ROBO2: variants seen among roughly 807,000 people sequenced by gnomAD.
ROBO2 encodes the protein roundabout guidance receptor 2, also known as roundabout homolog 2.
ROBO2 carries 53 observed loss-of-function variants against 160.8 expected under a neutral mutation model. That is an observed-to-expected ratio of 0.33 (90% CI 0.26 to 0.41). The LOEUF (loss-of-function observed/expected upper bound fraction) is 0.41. Among genes scored for constraint, ROBO2 ranks in the 10% least tolerant of loss-of-function variants. The pLI, the probability that ROBO2 is intolerant of heterozygous loss-of-function variation, is 1.00. For synonymous variants in ROBO2, 664 were observed against 611.7 expected (o/e 1.09, Z -1.26); for missense variants, 1,577 against 1,722.4 (o/e 0.92, Z 1.49).
At chr3:77,217,522 T>C (rs2085143326) in intron 2 of ROBO2, among the ~76,000 whole-genome samples, 1 of 152,244 alleles carries the variant, frequency 6.6e-6, no homozygotes, top group Non-Finnish European at 1.5e-5. Flanking sequence ...ATTTGGCTGC[T>C]GAAAAAGCAT....
chr3:75,908,460 CTG>C (rs3035973), intron 1 of ROBO2, among the ~76,000 whole-genome samples: 128,803 of 151,850 alleles, frequency 0.85, 54,695 homozygotes, highest in East Asian at 0.93. Flanking sequence ...GATGTAGAGA[CTG>C]TGTCACAGAA....
chr3:76,241,909 T>C (rs1162116489), intron 2 of ROBO2, among the ~76,000 whole-genome samples: 1 of 152,192 alleles, frequency 6.6e-6, no homozygotes, highest in Non-Finnish European at 1.5e-5. Flanking sequence ...TAATTAAATA[T>C]TCACACGTGA....
At chr3:77,293,026 C>T (rs2061505887) in intron 2 of ROBO2, among the ~76,000 whole-genome samples, 2 of 148,884 alleles carry the variant, frequency 1.3e-5, no homozygotes, top group African/African-American at 2.5e-5. Context: ...TCACCAAAGA[C>T]ATAAAGTAAA....
At chr3:77,357,848 T>C (rs1560612989) in intron 2 of ROBO2, among the ~76,000 whole-genome samples, 1 of 152,092 alleles carries the variant, frequency 6.6e-6, no homozygotes, top group Non-Finnish European at 1.5e-5. Context: ...GAAAAAAGGT[T>C]TGGGCTAAAA....
At chr3:75,935,227 T>G (rs76390783) in intron 1 of ROBO2, among the ~76,000 whole-genome samples, 1 of 152,166 alleles carries the variant, frequency 6.6e-6, no homozygotes, top group Non-Finnish European at 1.5e-5. Context: ...TAAAATTAAT[T>G]GAAGAAATCA....
chr3:76,387,154 T>A (rs1410559222), intron 2 of ROBO2, among the ~76,000 whole-genome samples: 1 of 152,038 alleles, frequency 6.6e-6, no homozygotes, highest in African/African-American at 2.4e-5. Flanking sequence ...GGGAGAAAGG[T>A]TTTCTAGTTC....
At chr3:77,406,001 A>G (rs2153516475) in intron 2 of ROBO2, among the ~76,000 whole-genome samples, 1 of 152,344 alleles carries the variant, frequency 6.6e-6, no homozygotes, top group South Asian at 2.1e-4. Flanking sequence ...AGAGCCATAA[A>G]GATACTCCCT....
chr3:77,568,262 A>G, intron 12 of ROBO2, 51 bp from the exon 14 acceptor site: 1 of 1,599,648 alleles, frequency 6.3e-7, no homozygotes, highest in Non-Finnish European at 8.5e-7. Flanking sequence ...ATAAATTGTA[A>G]TTTTAATATG....
At chr3:76,328,384 G>T (rs1028984408) in intron 2 of ROBO2, among the ~76,000 whole-genome samples, 1 of 152,174 alleles carries the variant, frequency 6.6e-6, no homozygotes, top group African/African-American at 2.4e-5. Context: ...TACTAGCAAA[G>T]GTTTTTCAAG....
At position 76,138,644 on chromosome 3, in the gene ROBO2, G is replaced by T. The variant is rs6764428; in HGVS notation, c.109+201042G>T. Among the ~76,000 whole-genome samples the T allele has an allele frequency of 8.6e-3, 1,305 of 152,096 alleles. 21 individuals are homozygous for T. The highest frequency in any genetic ancestry group is 0.03 in the African/African-American group (1,248 of 41,534). ...GAGAATAATTAAGACATGGGACAAT[G>T]AGACATTTTATGATTTTCAGGTATG... is the stretch of plus-strand genomic sequence containing the variant. On this transcript the variant is annotated intron_variant, in intron 2 of 26. Coordinates refer to the ROBO2 transcript ENST00000487694.
chr3:77,469,697 G>A (rs1223439060), intron 2 of ROBO2, among the ~76,000 whole-genome samples: 1 of 152,136 alleles, frequency 6.6e-6, no homozygotes, highest in African/African-American at 2.4e-5. Flanking sequence ...ATATGAGTAT[G>A]TAGATAGGCA....
intron 2 of ROBO2, among the ~76,000 whole-genome samples, chr3:76,985,551 G>A (rs993490317): frequency 1.6e-5 from 2 of 127,674 alleles, no homozygotes; most frequent in African/African-American, 3.1e-5. Context: ...ACTCCAGCCT[G>A]GGCGACAAAG....
At chr3:76,031,877 C>T (rs1014726696) in intron 2 of ROBO2, among the ~76,000 whole-genome samples, 1 of 152,042 alleles carries the variant, frequency 6.6e-6, no homozygotes, top group Non-Finnish European at 1.5e-5. Context: ...ATACTGGCCT[C>T]ATAAAATGAG....
chr3:75,960,155 A>G (rs1243644831), intron 2 of ROBO2, among the ~76,000 whole-genome samples: 1 of 151,676 alleles, frequency 6.6e-6, no homozygotes, highest in Non-Finnish European at 1.5e-5. Flanking sequence ...GGTGAGGGGG[A>G]TTAAATCACC....
chr3:76,800,531 A>G (rs1238237936), intron 2 of ROBO2, among the ~76,000 whole-genome samples: 1 of 152,232 alleles, frequency 6.6e-6, no homozygotes, highest in Non-Finnish European at 1.5e-5. Flanking sequence ...GAGGAAAAAA[A>G]TCTAATAATC....
At chr3:77,300,795 T>C (rs1254300606) in intron 2 of ROBO2, among the ~76,000 whole-genome samples, 2 of 152,046 alleles carry the variant, frequency 1.3e-5, no homozygotes, top group Admixed American at 1.3e-4. Context: ...GGCAGCTACC[T>C]AAAACAGGAG....
At chr3:76,994,589 A>T (rs1360423917) in intron 2 of ROBO2, among the ~76,000 whole-genome samples, 2 of 152,190 alleles carry the variant, frequency 1.3e-5, no homozygotes, top group Non-Finnish European at 2.9e-5. Context: ...GCAAGTAAGA[A>T]ATTCTTATTT....
At chr3:77,561,446 A>C (rs2093319932) in intron 9 of ROBO2, among the ~76,000 whole-genome samples, 1 of 152,136 alleles carries the variant, frequency 6.6e-6, no homozygotes, top group South Asian at 2.1e-4. Flanking sequence ...ATCACACAGA[A>C]TTTTGGAGTT....
chr3:76,888,834 T>C (rs1458908721), intron 2 of ROBO2, among the ~76,000 whole-genome samples: 1 of 152,216 alleles, frequency 6.6e-6, no homozygotes, highest in Non-Finnish European at 1.5e-5. Context: ...GTATGTAATG[T>C]TTAAAATCCT....
Sources: allele counts gnomAD v4.1 joint callset (sites outside exome capture counted in the v4.1 genomes callset), GRCh38; gene constraint gnomAD v4.1.1; transcripts MANE v1.5; gene names NCBI Gene and HGNC (gene_info 2026-07-23, HGNC 2026-07-21).